PRKG1: variants seen among roughly 807,000 people sequenced by gnomAD.
PRKG1 encodes the protein cGMP-dependent protein kinase 1.
Under a neutral mutation model 88.1 loss-of-function variants are expected in PRKG1, and 35 were observed. That is an observed-to-expected ratio of 0.40 (90% CI 0.30 to 0.53). The LOEUF is 0.53. PRKG1 is among the 20% of genes least tolerant of loss of function. PRKG1 has a pLI of 0.59. For missense variants in PRKG1, 540 were observed against 839.8 expected, an observed-to-expected ratio of 0.64 and a Z score of 4.41; for synonymous variants, 303 against 292.5, an observed-to-expected ratio of 1.04 and a Z score of -0.37.
intron 5 of PRKG1, among the ~76,000 whole-genome samples, chr10:51,938,414 G>A (rs913589628): frequency 2.0e-5 from 3 of 151,958 alleles, no homozygotes; most frequent in Non-Finnish European, 4.4e-5. Context: ...ATCCCCTATG[G>A]ATAAGAGGGG....
At chr10:51,725,235 G>C (rs138381688) in intron 3 of PRKG1, among the ~76,000 whole-genome samples, 2 of 152,238 alleles carry the variant, frequency 1.3e-5, no homozygotes, top group African/African-American at 4.8e-5. Context: ...CAGATGTGTG[G>C]ATTGCCACAT....
intron 14 of PRKG1, among the ~76,000 whole-genome samples, chr10:52,285,519 A>G (rs1447585146): frequency 6.6e-6 from 1 of 152,100 alleles, no homozygotes; most frequent in African/African-American, 2.4e-5. Flanking sequence ...AATTTGCCCT[A>G]CCTCTGGAAA....
intron 2 of PRKG1, among the ~76,000 whole-genome samples, chr10:51,338,680 A>G (rs1841934699): frequency 6.6e-6 from 1 of 152,202 alleles, no homozygotes; most frequent in Non-Finnish European, 1.5e-5. Flanking sequence ...ATTCTAAAGT[A>G]GTTATCATTA....
chr10:52,262,971 A>G (rs1384350071), intron 10 of PRKG1, among the ~76,000 whole-genome samples: 1 of 152,112 alleles, frequency 6.6e-6, no homozygotes, highest in Admixed American at 6.6e-5. Context: ...AGTATTTTCA[A>G]TCCTTGGTTG....
chr10:52,100,914 T>C (rs1009754300), intron 7 of PRKG1, among the ~76,000 whole-genome samples: 1 of 152,226 alleles, frequency 6.6e-6, no homozygotes, highest in African/African-American at 2.4e-5. Flanking sequence ...TGTTTTCAGC[T>C]CTTTCTCATT....
At chr10:52,250,998 G>C (rs1564532631) in intron 9 of PRKG1, among the ~76,000 whole-genome samples, 1 of 152,156 alleles carries the variant, frequency 6.6e-6, no homozygotes, top group South Asian at 2.1e-4. Context: ...CTATGCTTCC[G>C]AAATCATCCA....
At chr10:51,127,807 A>C (rs1458633135) in intron 1 of PRKG1, among the ~76,000 whole-genome samples, 1 of 152,208 alleles carries the variant, frequency 6.6e-6, no homozygotes, top group Non-Finnish European at 1.5e-5. Context: ...TGCCCTTTGC[A>C]GGGACATAGA....
intron 3 of PRKG1, among the ~76,000 whole-genome samples, chr10:51,630,102 A>G (rs896227749): frequency 6.6e-6 from 1 of 152,286 alleles, no homozygotes; most frequent in East Asian, 1.9e-4. Flanking sequence ...TGTCATTGAA[A>G]TGTGCTGCCA....
intron 3 of PRKG1, among the ~76,000 whole-genome samples, chr10:51,660,047 T>C (rs1173928418): frequency 2.0e-5 from 3 of 148,790 alleles, no homozygotes; most frequent in South Asian, 4.2e-4. Flanking sequence ...TGTCGCTCTA[T>C]AGAATGAAGA....
intron 5 of PRKG1, among the ~76,000 whole-genome samples, chr10:52,026,637 TG>T (rs1354959475): frequency 8.5e-5 from 13 of 152,178 alleles, no homozygotes; most frequent in African/African-American, 2.9e-4. Context: ...AGAGTGGTGA[TG>T]GATACACAAC....
chr10:51,126,498 A>T (rs1160213744), intron 1 of PRKG1, among the ~76,000 whole-genome samples: 2 of 144,516 alleles, frequency 1.4e-5, no homozygotes, highest in Non-Finnish European at 3.0e-5. Context: ...AAATGTATAA[A>T]TTATATAATT....
At chr10:52,237,496 A>G (rs1840719221) in intron 9 of PRKG1, among the ~76,000 whole-genome samples, 1 of 115,600 alleles carries the variant, frequency 8.7e-6, no homozygotes, top group South Asian at 3.7e-4. Context: ...TCAATGTACA[A>G]AAATCACAAG....
chr10:51,283,042 T>C (rs1375051458), intron 2 of PRKG1, among the ~76,000 whole-genome samples: 2 of 152,094 alleles, frequency 1.3e-5, no homozygotes, highest in Non-Finnish European at 2.9e-5. Flanking sequence ...AACCAAAATC[T>C]TTTTACTTAC....
chr10:51,282,198 T>A (rs1840318930), intron 2 of PRKG1, among the ~76,000 whole-genome samples: 1 of 152,126 alleles, frequency 6.6e-6, no homozygotes, highest in Non-Finnish European at 1.5e-5. Context: ...TTTTTGAGCT[T>A]GGAATAGATG....
chr10:51,277,938 C>CCTTT (rs1253180186), intron 2 of PRKG1, among the ~76,000 whole-genome samples: 1 of 152,062 alleles, frequency 6.6e-6, no homozygotes, highest in Admixed American at 6.6e-5. Flanking sequence ...AATTGAATAC[C>CCTTT]CTTTCTTTCT....
At chr10:51,146,233 C>G (rs1014988749) in intron 1 of PRKG1, among the ~76,000 whole-genome samples, 9 of 151,306 alleles carry the variant, frequency 5.9e-5, no homozygotes, top group Admixed American at 6.6e-5. Flanking sequence ...TCTGCATCCT[C>G]TCTAGCATTT....
chr10:51,539,768 T>A (rs1442429301), intron 3 of PRKG1, among the ~76,000 whole-genome samples: 1 of 152,182 alleles, frequency 6.6e-6, no homozygotes, highest in Non-Finnish European at 1.5e-5. Context: ...AATGAATTTT[T>A]TGTCCTACTT....
chr10:51,786,524 C>G (rs1290536132), intron 3 of PRKG1, among the ~76,000 whole-genome samples: 2 of 152,066 alleles, frequency 1.3e-5, no homozygotes, highest in Non-Finnish European at 2.9e-5. Context: ...GAACTCTTCC[C>G]TCACCACTAG....
intron 1 of PRKG1, among the ~76,000 whole-genome samples, chr10:51,151,575 T>G (rs1349383847): frequency 3.3e-5 from 5 of 151,784 alleles, no homozygotes; most frequent in East Asian, 1.9e-4. Flanking sequence ...TTTTGTTTTT[T>G]TTTTTTAACA....
Sources: gnomAD v4.1 joint callset for allele counts (sites outside exome capture counted in the v4.1 genomes callset) on GRCh38, gnomAD v4.1.1 for gene constraint, MANE v1.5 for transcripts, NCBI Gene and HGNC (gene_info 2026-07-23, HGNC 2026-07-21) for gene names.